The following SEZ6L variants were observed in gnomAD, a reference collection of about 807,000 sequenced individuals.
SEZ6L encodes seizure related 6 homolog like.
Under a neutral mutation model 106.2 loss-of-function variants are expected in SEZ6L, and 37 were observed. The observed-to-expected ratio is 0.35, with a 90% CI of 0.27 to 0.46. The LOEUF is 0.46. Ranked by LOEUF, SEZ6L falls within the 20% of genes least tolerant of loss-of-function variation. SEZ6L has a pLI of 1.00. For missense variants in SEZ6L, 1,172 were observed against 1,332.8 expected (o/e 0.88, Z 1.88); for synonymous variants, 541 against 570.4 (o/e 0.95, Z 0.73).
At chr22:26,339,604 G>A (rs9613160) in intron 9 of SEZ6L, among the ~76,000 whole-genome samples, 119,372 of 152,160 alleles carry the variant, frequency 0.78, 47,212 homozygotes, top group Non-Finnish European at 0.82. Context: ...TATCTCATAA[G>A]TAAGGTGCCT....
chr22:26,344,078 G>A (rs2082932707), intron 10 of SEZ6L, among the ~76,000 whole-genome samples: 1 of 152,218 alleles, frequency 6.6e-6, no homozygotes, highest in African/African-American at 2.4e-5. Flanking sequence ...GCATCAGATA[G>A]TAGGTCAGGG....
intron 12 of SEZ6L, among the ~76,000 whole-genome samples, chr22:26,363,172 G>A (rs2083691294): frequency 1.3e-5 from 2 of 152,174 alleles, no homozygotes; most frequent in Admixed American, 6.5e-5. Context: ...TGTTTCAGAA[G>A]AATCCAGAAA....
At chr22:26,195,109 C>T (rs1310343553) in intron 1 of SEZ6L, among the ~76,000 whole-genome samples, 9 of 152,194 alleles carry the variant, frequency 5.9e-5, no homozygotes, top group Non-Finnish European at 1.3e-4. Flanking sequence ...TTTGTCTGCT[C>T]TGCTCTGGTT....
At chr22:26,344,246 C>T (rs1601558975) in intron 10 of SEZ6L, among the ~76,000 whole-genome samples, 3 of 152,314 alleles carry the variant, frequency 2.0e-5, no homozygotes, top group South Asian at 2.1e-4. Context: ...GAATTCTACT[C>T]CCAGAATTCA....
chr22:26,234,361 C>T (rs1389213581), intron 1 of SEZ6L, among the ~76,000 whole-genome samples: 1 of 152,252 alleles, frequency 6.6e-6, no homozygotes, highest in Non-Finnish European at 1.5e-5. Context: ...GAGAGGGGAA[C>T]TTAAGCCAAA....
intron 1 of SEZ6L, among the ~76,000 whole-genome samples, chr22:26,254,296 A>G (rs1280837478): frequency 6.6e-6 from 1 of 152,140 alleles, no homozygotes; most frequent in Non-Finnish European, 1.5e-5. Context: ...CAAAAGTTGT[A>G]TACACAAAGA....
At chr22:26,258,057 G>A (rs2079881536) in intron 1 of SEZ6L, among the ~76,000 whole-genome samples, 2 of 152,134 alleles carry the variant, frequency 1.3e-5, no homozygotes, top group Non-Finnish European at 2.9e-5. Flanking sequence ...TCCGGAATGA[G>A]TCTGTCATCT....
intron 12 of SEZ6L, among the ~76,000 whole-genome samples, chr22:26,357,109 G>A (rs935210140): frequency 6.6e-6 from 1 of 152,058 alleles, no homozygotes; most frequent in Admixed American, 6.6e-5. Context: ...CCGCCACCAC[G>A]CCTGGCTAAT....
At chr22:26,253,108 T>C (rs2079662171) in intron 1 of SEZ6L, among the ~76,000 whole-genome samples, 1 of 152,188 alleles carries the variant, frequency 6.6e-6, no homozygotes. Flanking sequence ...AGGGTGGGTA[T>C]TATTATTCTC....
chr22:26,351,040 C>T lies in SEZ6L; in HGVS notation c.2408-12C>T. The T allele has an allele frequency of 6.2e-7, 1 of 1,608,766 alleles. No individual in the cohort carries two copies. Among genetic ancestry groups the T allele is most frequent in the South Asian group, 1.1e-5 (1 of 90,382 alleles). On this transcript the variant is annotated splice_polypyrimidine_tract_variant and intron_variant, in intron 11 of 16. Coordinates refer to ENST00000248933, the MANE Select transcript of SEZ6L (RefSeq NM_021115.5). ...GTCTGACGTCCTCTTGGTCTGGTTT[C>T]ATCCCGTGTAGTTATGTACTGCACC...
rs567691129 is a variant in SEZ6L, at chr22:26,230,035, C to G, written c.94+60272C>G. ...TCTCCTGGGCACAGCATCTGAGAAG[C>G]CATGCACAGTGCCCGCAGCTGTGAA... On this transcript the variant is annotated intron_variant, in intron 1 of 16. Transcript: ENST00000248933. Among the ~76,000 whole-genome samples the G allele has an allele frequency of 7.2e-5, 11 of 152,344 alleles. No individual in the cohort carries two copies. The South Asian group carries it at 1.4e-3, about 20-fold the overall frequency.
rs549589225 is a variant in SEZ6L, at chr22:26,380,480, G to T, written c.*185G>T. 8.4e-6 allele frequency: 4 copies of T among 477,718 alleles called. No individual in the cohort carries two copies. The South Asian group carries it at 2.0e-4, about 24-fold the overall frequency. The allele number at this position is 477,718 out of a possible 1,614,324, so 29.6% of individuals were successfully genotyped here. A position where few individuals can be genotyped will look rare whatever the true frequency, so the allele number is the denominator to read the frequency against. On this transcript the variant is annotated 3_prime_UTR_variant, in exon 17 of 17. Coordinates refer to ENST00000248933, the MANE Select transcript of SEZ6L (RefSeq NM_021115.5). ...TATATTTAAAAGTGAAATAGGTGTGGGTTTGGATGTTTCGCGGCCTCAGCC... is the reference window on the plus strand; with the variant it reads ...TATATTTAAAAGTGAAATAGGTGTGTGTTTGGATGTTTCGCGGCCTCAGCC...
chr22:26,260,495 C>CCAT (rs1453943445), intron 1 of SEZ6L, among the ~76,000 whole-genome samples: 1 of 152,030 alleles, frequency 6.6e-6, no homozygotes, highest in African/African-American at 2.4e-5. Flanking sequence ...GAGTAATATT[C>CCAT]CATCATATAT....
At chr22:26,361,023 T>C (rs533169518) in intron 12 of SEZ6L, among the ~76,000 whole-genome samples, 3 of 152,310 alleles carry the variant, frequency 2.0e-5, no homozygotes, top group Admixed American at 1.3e-4. Context: ...ACTACGGGGA[T>C]ACCCACGCGG....
intron 14 of SEZ6L, among the ~76,000 whole-genome samples, chr22:26,375,111 G>A (rs567803723): frequency 2.4e-4 from 36 of 152,250 alleles, no homozygotes; most frequent in African/African-American, 8.4e-4. Flanking sequence ...CTGACCACCA[G>A]CACCGTTCAA....
intron 9 of SEZ6L, among the ~76,000 whole-genome samples, chr22:26,323,452 G>A (rs659088): frequency 0.24 from 35,959 of 151,982 alleles, 4,618 homozygotes; most frequent in African/African-American, 0.28. Context: ...GGGCAACAAA[G>A]CAAGACCCCG....
intron 9 of SEZ6L, among the ~76,000 whole-genome samples, chr22:26,317,020 A>C (rs1332538705): frequency 1.3e-5 from 2 of 152,114 alleles, no homozygotes; most frequent in Non-Finnish European, 2.9e-5. Context: ...CATGATGAGA[A>C]CATCTGCAAA....
intron 1 of SEZ6L, among the ~76,000 whole-genome samples, chr22:26,258,609 C>A (rs2079901126): frequency 6.6e-6 from 1 of 152,150 alleles, no homozygotes; most frequent in Admixed American, 6.5e-5. Flanking sequence ...AGTTGGGGTA[C>A]AATGATATTA....
chr22:26,362,571 A>G lies in SEZ6L; in HGVS notation c.2600-2801A>G, dbSNP rs1223434214. On this transcript the variant is annotated intron_variant, in intron 12 of 16. Coordinates refer to ENST00000248933, the MANE Select transcript of SEZ6L (RefSeq NM_021115.5). ...CTTGGCCCCTTAGAGCATGCAGACC[A>G]TGAGCTCTAGAGGACAGGAATGATG... 3.3e-5 allele frequency among the ~76,000 whole-genome samples: 5 copies of G among 152,204 alleles called. No individual in the cohort carries two copies. The East Asian group carries it at 7.7e-4, about 23-fold the overall frequency.
Sources: allele counts gnomAD v4.1 joint callset (sites outside exome capture counted in the v4.1 genomes callset), GRCh38; gene constraint gnomAD v4.1.1; transcripts MANE v1.5; gene names NCBI Gene and HGNC (gene_info 2026-07-23, HGNC 2026-07-21).